The following CDH17 variants were observed in gnomAD, a reference collection of about 807,000 sequenced individuals.
CDH17 encodes cadherin 17.
In CDH17, 67 loss-of-function variants were observed where a neutral mutation model predicts 86.3. That is an observed-to-expected ratio of 0.78 (90% CI 0.64 to 0.95). The LOEUF (loss-of-function observed/expected upper bound fraction) is 0.95. CDH17 is among the 40% of genes least tolerant of loss of function. The pLI, the probability that CDH17 is intolerant of heterozygous loss-of-function variation, is 0.00. For synonymous variants in CDH17, 367 were observed against 366.4 expected (o/e 1.00, Z -0.02); for missense variants, 993 against 1,017.6 (o/e 0.98, Z 0.33).
intron 15 of CDH17, among the ~76,000 whole-genome samples, chr8:94,133,065 T>C (rs911728636): frequency 1.3e-5 from 2 of 152,232 alleles, no homozygotes; most frequent in African/African-American, 4.8e-5. Flanking sequence ...TTTTGGTTAC[T>C]GTAGCCTTGT....
At chr8:94,137,475 C>T (rs1812553937) in intron 15 of CDH17, among the ~76,000 whole-genome samples, 1 of 152,148 alleles carries the variant, frequency 6.6e-6, no homozygotes, top group African/African-American at 2.4e-5. Flanking sequence ...CCTTCTCTGC[C>T]AGTTGCTAAG....
At chr8:94,159,667 A>C (rs1166234853) in intron 12 of CDH17, among the ~76,000 whole-genome samples, 4 of 152,176 alleles carry the variant, frequency 2.6e-5, no homozygotes, top group Non-Finnish European at 5.9e-5. Flanking sequence ...AGTGCATCCC[A>C]AATATTGCAT....
chr8:94,130,783 A>G (rs1812397505), intron 16 of CDH17, 44 bp from the exon 17 acceptor site: 5 of 1,541,144 alleles, frequency 3.2e-6, no homozygotes, highest in Admixed American at 1.7e-5. Context: ...TCTCAAGTGA[A>G]TAGTTGCAGA....
intron 15 of CDH17, among the ~76,000 whole-genome samples, chr8:94,133,910 AATC>A (rs767498434): frequency 1.3e-5 from 2 of 152,216 alleles, no homozygotes; most frequent in Non-Finnish European, 2.9e-5. Flanking sequence ...CTATTGAGAT[AATC>A]ATGTGATTTT....
At chr8:94,208,876 T>C (rs1419796793), upstream of CDH17, among the ~76,000 whole-genome samples, 5 of 152,148 alleles carry the variant, frequency 3.3e-5, no homozygotes, top group Admixed American at 3.3e-4. Flanking sequence ...TCAAAGACTT[T>C]CCATATTTTG....
chr8:94,128,554 C>G (rs1002622164), intron 17 of CDH17, among the ~76,000 whole-genome samples: 1 of 152,156 alleles, frequency 6.6e-6, no homozygotes, highest in Non-Finnish European at 1.5e-5. Context: ...ATGTATGTAT[C>G]AAGTCCCAAA....
rs181105626 is a variant in CDH17 at position 94,194,717 on chromosome 8, C to T, written c.-20-12G>A. On this transcript the variant is annotated splice_polypyrimidine_tract_variant and intron_variant, in intron 1 of 17. Coordinates refer to ENST00000027335, the MANE Select transcript of CDH17 (RefSeq NM_004063.4). ...CTTTATTCAAATTCCTGTGAAGGAA[C>T]CAGATAAAAAAATGGTTAGTTACCA... 2 of 1,482,984 alleles carry T rather than the reference C, an allele frequency of 1.3e-6. No individual in the cohort carries two copies. The highest frequency in any genetic ancestry group is 1.9e-6 in the Non-Finnish European group (2 of 1,072,958). 91.9% of individuals were successfully genotyped at this position (1,482,984 alleles called of 1,614,324 possible). A position where few individuals can be genotyped will look rare whatever the true frequency, so the allele number is the denominator to read the frequency against.
chr8:94,158,490 ATCTT>A (rs1812987484), intron 12 of CDH17, among the ~76,000 whole-genome samples: 1 of 152,162 alleles, frequency 6.6e-6, no homozygotes, highest in Non-Finnish European at 1.5e-5. Flanking sequence ...ATGGGCCTCT[ATCTT>A]CCCTTAGATT....
intron 2 of CDH17, among the ~76,000 whole-genome samples, chr8:94,194,239 C>T (rs1724149008): frequency 6.6e-6 from 1 of 152,126 alleles, no homozygotes; most frequent in Non-Finnish European, 1.5e-5. Context: ...AGAGAAAATG[C>T]TTTTCTTGAT....
At chr8:94,148,920 T>A in intron 13 of CDH17, 46 bp from the exon 14 acceptor site, 1 of 1,555,860 alleles carries the variant, frequency 6.4e-7, no homozygotes, top group Non-Finnish European at 8.7e-7. Context: ...TTACTTTGCA[T>A]GAAAATGTGA....
intron 3 of CDH17, among the ~76,000 whole-genome samples, chr8:94,183,319 C>T (rs1441203371): frequency 2.0e-5 from 3 of 152,046 alleles, no homozygotes; most frequent in Admixed American, 2.0e-4. Flanking sequence ...GAAGACTTAA[C>T]GTTCTCTAAT....
At chr8:94,209,507 C>A (rs1177472988), upstream of CDH17, among the ~76,000 whole-genome samples, 1 of 152,166 alleles carries the variant, frequency 6.6e-6, no homozygotes, top group Non-Finnish European at 1.5e-5. Flanking sequence ...GAAGGGCTCC[C>A]TCCTTTCCAG....
chr8:94,206,099 A>G (rs923452013), intron 1 of CDH17, among the ~76,000 whole-genome samples: 6 of 152,344 alleles, frequency 3.9e-5, no homozygotes, highest in African/African-American at 9.6e-5. Context: ...ATATTTGAAG[A>G]GAAATTTTCT....
chr8:94,171,118 T>C, intron 7 of CDH17, 133 bp from the exon 8 acceptor site: 1 of 921,500 alleles, frequency 1.1e-6, no homozygotes, highest in Non-Finnish European at 1.6e-6. Flanking sequence ...AACAACTGAA[T>C]TACGTTTTTC....
chr8:94,145,242 T>TA (rs1812717836), intron 15 of CDH17, among the ~76,000 whole-genome samples: 2 of 152,190 alleles, frequency 1.3e-5, no homozygotes, highest in Admixed American at 6.6e-5. Flanking sequence ...AAGTTGGAGT[T>TA]ACAATCAACA....
chr8:94,209,920 A>G (rs531782639), upstream of CDH17, among the ~76,000 whole-genome samples: 3 of 114,456 alleles, frequency 2.6e-5, no homozygotes, highest in South Asian at 9.3e-4. Flanking sequence ...TAAATTTATG[A>G]GTTTTTTTTT....
chr8:94,198,096 CAT>C (rs538734632), intron 1 of CDH17, among the ~76,000 whole-genome samples: 306 of 152,036 alleles, frequency 2.0e-3, no homozygotes, highest in Non-Finnish European at 2.8e-3. Flanking sequence ...AGATGTATGA[CAT>C]AGAGCATGGA....
At chr8:94,146,283 G>A (rs1172452856) in intron 14 of CDH17, 116 bp from the exon 15 acceptor site, 21 of 922,056 alleles carry the variant, frequency 2.3e-5, no homozygotes, top group East Asian at 6.0e-5. Flanking sequence ...CTAGAAAGAC[G>A]ACAAGCTTTT....
chr8:94,152,974 T>C (rs1422262160), intron 12 of CDH17, among the ~76,000 whole-genome samples: 1 of 152,186 alleles, frequency 6.6e-6, no homozygotes, highest in Non-Finnish European at 1.5e-5. Flanking sequence ...AGCCTAGCAA[T>C]GATCTTTTAG....
Sources: gnomAD v4.1 joint callset for allele counts (sites outside exome capture counted in the v4.1 genomes callset) on GRCh38, gnomAD v4.1.1 for gene constraint, MANE v1.5 for transcripts, NCBI Gene and HGNC (gene_info 2026-07-23, HGNC 2026-07-21) for gene names.